SHANK2: variants seen among roughly 807,000 people sequenced by gnomAD.
The protein encoded by SHANK2 is SH3 and multiple ankyrin repeat domains protein 2.
Under a neutral mutation model 133.7 loss-of-function variants are expected in SHANK2, and 43 were observed. The observed-to-expected ratio is 0.32, with a 90% CI of 0.25 to 0.41. SHANK2 has a LOEUF of 0.41. SHANK2 is among the 10% of genes least tolerant of loss of function. SHANK2 has a pLI of 1.00. For synonymous variants in SHANK2, 1,017 were observed against 952.8 expected (o/e 1.07, Z -1.24); for missense variants, 1,994 against 2,235.8 (o/e 0.89, Z 2.18).
At chr11:70,537,325 T>C (rs140093594) in intron 17 of SHANK2, among the ~76,000 whole-genome samples, 7 of 152,364 alleles carry the variant, frequency 4.6e-5, no homozygotes, top group African/African-American at 1.7e-4. Context: ...TATGACTTTA[T>C]TTGGAAAAAG....
chr11:71,141,657 G>A (rs544429466), intron 3 of SHANK2, among the ~76,000 whole-genome samples: 5 of 152,050 alleles, frequency 3.3e-5, no homozygotes, highest in Non-Finnish European at 5.9e-5. Flanking sequence ...TAGCAGCGTC[G>A]TTATTACCAG....
chr11:71,094,332 G>T (rs1336089072), intron 7 of SHANK2, among the ~76,000 whole-genome samples: 3 of 152,144 alleles, frequency 2.0e-5, no homozygotes, highest in Non-Finnish European at 2.9e-5. Context: ...AATTCTGAAA[G>T]CATCGACAAC....
chr11:70,701,430 C>T (rs1373707482), intron 14 of SHANK2, among the ~76,000 whole-genome samples: 1 of 152,048 alleles, frequency 6.6e-6, no homozygotes, highest in African/African-American at 2.4e-5. Context: ...GAGATGGAGT[C>T]TCACTCTGTC....
intron 11 of SHANK2, among the ~76,000 whole-genome samples, chr11:70,884,715 T>A (rs1313306892): frequency 6.6e-6 from 1 of 152,152 alleles, no homozygotes; most frequent in Non-Finnish European, 1.5e-5. Context: ...ACGATGGGTA[T>A]CTTTTCTTTT....
At chr11:70,565,091 C>A (rs1333940037) in intron 17 of SHANK2, among the ~76,000 whole-genome samples, 1 of 152,138 alleles carries the variant, frequency 6.6e-6, no homozygotes, top group East Asian at 1.9e-4. Context: ...TGCTTCTTTG[C>A]AAGACTGGGA....
In SHANK2 at chr11:70,471,541, G is replaced by C. The variant is rs1555148539; in HGVS notation, c.*1328C>G. 2.5e-6 allele frequency: 1 copy of C among 397,220 alleles called. No homozygotes were observed. The highest frequency in any genetic ancestry group is 4.4e-6 in the Non-Finnish European group (1 of 225,760). The allele number at this position is 397,220 out of a possible 1,614,324, so 24.6% of individuals were successfully genotyped here. A position where few individuals can be genotyped will look rare whatever the true frequency, so the allele number is the denominator to read the frequency against. On this transcript the variant is annotated 3_prime_UTR_variant, in exon 26 of 26. Coordinates refer to ENST00000601538, the MANE Select transcript of SHANK2 (RefSeq NM_012309.5). The surrounding 1 kb of genome is among the most constrained non-coding windows in gnomAD (Gnocchi z 4.1). ...ACCTGGCAGCCCAGGAGACCTCCCT[G>C]CTTTCCTCTCCTCACGCCTCTGCTT...
At chr11:70,697,274 A>G (rs1164026671) in intron 15 of SHANK2, among the ~76,000 whole-genome samples, 2 of 152,230 alleles carry the variant, frequency 1.3e-5, no homozygotes, top group Non-Finnish European at 2.9e-5. Context: ...GAAACTTCAT[A>G]TTACATGTAT....
In SHANK2 at chr11:70,535,710, G is replaced by A. The variant is rs1565107171; in HGVS notation, c.2062-32779C>T. On this transcript the variant is annotated intron_variant, in intron 17 of 25. Transcript: ENST00000601538. The surrounding 1 kb of genome is among the most constrained non-coding windows in gnomAD (Gnocchi z 4.3). The stretch of plus-strand genomic sequence containing the variant: ...TTGGGCAGGAGGATGGCCACCCAGG[G>A]GGACCGAGGCCAGCCCTGCAGCAGG... Among the ~76,000 whole-genome samples the A allele has an allele frequency of 6.6e-6, 1 of 152,216 alleles. No individual in the cohort carries two copies. Among genetic ancestry groups the A allele is most frequent in the Non-Finnish European group, 1.5e-5 (1 of 68,042 alleles).
At chr11:70,790,118 A>C (rs967383236) in intron 14 of SHANK2, among the ~76,000 whole-genome samples, 1 of 152,240 alleles carries the variant, frequency 6.6e-6, no homozygotes, top group Non-Finnish European at 1.5e-5. Flanking sequence ...TTCTTAGTCA[A>C]GATACATCAA....
At chr11:70,629,045 G>C (rs1043331331) in intron 17 of SHANK2, among the ~76,000 whole-genome samples, 2 of 152,230 alleles carry the variant, frequency 1.3e-5, no homozygotes, top group African/African-American at 4.8e-5. Flanking sequence ...AACACTTGGA[G>C]AGGGATGGTT....
rs201570745 is a variant in SHANK2 at position 70,925,714 on chromosome 11, CT to C, written c.1108-29148del. 7.1e-3 allele frequency among the ~76,000 whole-genome samples: 1,083 copies of C among 152,306 alleles called. 38 individuals carry two copies. The highest frequency in any genetic ancestry group is 0.064 in the Admixed American group (973 of 15,294). On this transcript the variant is annotated intron_variant, in intron 10 of 25. Transcript: ENST00000601538. ...GAACTTGAGAGGTGCTTGACCTCCCCTGCTTGCCTTGCCGTGTGCAGACAGC... is the reference window on the plus strand; with the variant it reads ...GAACTTGAGAGGTGCTTGACCTCCCCGCTTGCCTTGCCGTGTGCAGACAGC...
At chr11:70,666,381 C>T (rs1555014806) in intron 15 of SHANK2, among the ~76,000 whole-genome samples, 1 of 152,216 alleles carries the variant, frequency 6.6e-6, no homozygotes, top group Non-Finnish European at 1.5e-5. Context: ...CATCCCCATG[C>T]AATCAGACAG....
chr11:70,853,372 G>C (rs1555066197), intron 11 of SHANK2, among the ~76,000 whole-genome samples: 1 of 152,202 alleles, frequency 6.6e-6, no homozygotes, highest in African/African-American at 2.4e-5. Flanking sequence ...GCGGCCGTGG[G>C]GACAGACAAG....
chr11:70,860,730 AG>A (rs1277895078), intron 11 of SHANK2, among the ~76,000 whole-genome samples: 10 of 152,206 alleles, frequency 6.6e-5, no homozygotes, highest in Non-Finnish European at 1.2e-4. Flanking sequence ...AATACACGCA[AG>A]GGGCCTGGCG....
chr11:70,538,747 C>T lies in SHANK2; in HGVS notation c.2062-35816G>A, dbSNP rs1014173811. On this transcript the variant is annotated intron_variant, in intron 17 of 25. Coordinates refer to ENST00000601538, the MANE Select transcript of SHANK2 (RefSeq NM_012309.5). ...ACCAGCCAGGGGGCAGAACAGCCCC[C>T]GGGGCAGAGCCTCCAGGGAACAGCC... Among the ~76,000 whole-genome samples, 6 of 152,196 alleles carry T rather than the reference C, an allele frequency of 3.9e-5. No individual in the cohort carries two copies. The East Asian group carries it at 9.6e-4, about 24-fold the overall frequency.
At chr11:70,757,548 G>C (rs1946901066) in intron 14 of SHANK2, among the ~76,000 whole-genome samples, 1 of 152,252 alleles carries the variant, frequency 6.6e-6, no homozygotes, top group Admixed American at 6.5e-5. Context: ...CGGGAATTGT[G>C]GCACGTGCCA....
chr11:70,691,491 G>A (rs184964200), intron 15 of SHANK2, among the ~76,000 whole-genome samples: 59 of 152,312 alleles, frequency 3.9e-4, no homozygotes, highest in African/African-American at 1.4e-3. Flanking sequence ...GAGCGCAAAG[G>A]AAGAGCTGGG....
chr11:71,107,651 C>A (rs1294408391), intron 6 of SHANK2, among the ~76,000 whole-genome samples: 1 of 152,198 alleles, frequency 6.6e-6, no homozygotes, highest in Non-Finnish European at 1.5e-5. Context: ...CTGGCACCAG[C>A]CTAATCCAGG....
intron 17 of SHANK2, among the ~76,000 whole-genome samples, chr11:70,612,443 TATACATACACATATGCATGCGTGC>T (rs1159035147): frequency 1.3e-5 from 2 of 152,178 alleles, no homozygotes; most frequent in Non-Finnish European, 2.9e-5. Context: ...TGTGTACACG[TATACATACACATATGCATGCGTGC>T]ATACATATTC....
Sources: allele counts gnomAD v4.1 joint callset (sites outside exome capture counted in the v4.1 genomes callset), GRCh38; gene constraint gnomAD v4.1.1; non-coding constraint Gnocchi (gnomAD v3.1); transcripts MANE v1.5; gene names NCBI Gene and HGNC (gene_info 2026-07-23, HGNC 2026-07-21).